DIP2C: variants seen among roughly 807,000 people sequenced by gnomAD.
DIP2C encodes the protein DIP2 acetate--CoA ligase C (putative), also known as disco-interacting protein 2 homolog C.
In DIP2C, 33 loss-of-function variants were observed where a neutral mutation model predicts 192.4. The observed-to-expected ratio is 0.17, with a 90% confidence interval of 0.13 to 0.23. The LOEUF is 0.23. Among genes scored for constraint, DIP2C ranks in the 10% least tolerant of loss-of-function variants. The pLI is 1.00. For missense variants in DIP2C, 1,537 were observed against 2,110.1 expected (o/e 0.73, Z 5.32); for synonymous variants, 979 against 864.1 (o/e 1.13, Z -2.33).
chr10:454,182 C>G (rs1388762136), intron 3 of DIP2C, among the ~76,000 whole-genome samples: 1 of 152,156 alleles, frequency 6.6e-6, no homozygotes, highest in Non-Finnish European at 1.5e-5. Flanking sequence ...GCCTTTCACT[C>G]TAAGAACCCA....
At chr10:477,840 AAG>A (rs1473943868) in intron 2 of DIP2C, among the ~76,000 whole-genome samples, 21 of 138,750 alleles carry the variant, frequency 1.5e-4, no homozygotes, top group Non-Finnish European at 2.7e-4. Flanking sequence ...AGAAGGGAGA[AAG>A]AAAAAAGGAG....
intron 1 of DIP2C, among the ~76,000 whole-genome samples, chr10:490,949 G>T (rs549153126): frequency 6.6e-6 from 1 of 152,202 alleles, no homozygotes; most frequent in South Asian, 2.1e-4. Flanking sequence ...CCTCCCTGAA[G>T]GGAACAATTC....
chr10:367,305 T>C (rs1164286472), intron 18 of DIP2C, among the ~76,000 whole-genome samples: 1 of 150,786 alleles, frequency 6.6e-6, no homozygotes, highest in East Asian at 1.9e-4. Context: ...TAGTCCCAGC[T>C]CCTCGGGAGG....
rs1554847955 is a variant in DIP2C, at chr10:414,739, G to GTATATATATATA, written c.860-630_860-629insTATATATATATA. Among the ~76,000 whole-genome samples the GTATATATATATA allele has an allele frequency of 4.4e-3, 400 of 90,510 alleles. 21 individuals are homozygous for GTATATATATATA. The highest frequency in any genetic ancestry group is 5.0e-3 in the Non-Finnish European group (231 of 46,594). 59.4% of individuals were successfully genotyped at this position (90,510 alleles called of 152,430 possible). On this transcript the variant is annotated intron_variant, in intron 7 of 36. Transcript: ENST00000280886. ...TGTGTGTGTGTGTGTGTGTGTGTGTGTACATATATATATATATAATGTGTA... is the reference window on the plus strand; with the variant it reads ...TGTGTGTGTGTGTGTGTGTGTGTGTGTATATATATATATACATATATATATATATAATGTGTA...
intron 17 of DIP2C, among the ~76,000 whole-genome samples, chr10:375,122 G>A (rs1961413813): frequency 6.6e-6 from 1 of 152,244 alleles, no homozygotes; most frequent in Admixed American, 6.5e-5. Context: ...AAGGACAACA[G>A]AGTCTGGATG....
At chr10:469,445 T>TA (rs1467049729) in intron 3 of DIP2C, among the ~76,000 whole-genome samples, 3 of 151,718 alleles carry the variant, frequency 2.0e-5, no homozygotes, top group African/African-American at 7.3e-5. Flanking sequence ...GCCTCTGGAA[T>TA]AGCTGGGATT....
At chr10:449,920 C>CAACAACAACAAAAAAAAAAAAAAAA (rs1408389732) in intron 3 of DIP2C, among the ~76,000 whole-genome samples, 1 of 135,908 alleles carries the variant, frequency 7.4e-6, no homozygotes, top group African/African-American at 3.0e-5. Flanking sequence ...TCAACAACAA[C>CAACAACAACAAAAAAAAAAAAAAAA]AAAAAAAAAA....
intron 30 of DIP2C, 44 bp downstream of exon 30, chr10:329,389 C>A (rs1222430900): frequency 1.9e-6 from 3 of 1,570,786 alleles, no homozygotes; most frequent in East Asian, 2.3e-5. Context: ...GAAAGGAGTC[C>A]CTGTGGGCTC....
At chr10:498,462 CT>C (rs1456202618) in intron 1 of DIP2C, among the ~76,000 whole-genome samples, 2 of 152,142 alleles carry the variant, frequency 1.3e-5, no homozygotes, top group East Asian at 3.9e-4. Context: ...AGATGCTTGC[CT>C]CCCCTCAGGG....
chr10:327,214 G>A (rs772189687), intron 30 of DIP2C, 38 bp from the exon 31 acceptor site: 38 of 1,596,790 alleles, frequency 2.4e-5, no homozygotes, highest in South Asian at 1.6e-4. Flanking sequence ...CAGCCCCCAC[G>A]TGTCGAGCTT....
intron 1 of DIP2C, among the ~76,000 whole-genome samples, chr10:683,496 G>GT (rs993489580): frequency 1.6e-4 from 25 of 152,302 alleles, no homozygotes; most frequent in African/African-American, 4.8e-4. Flanking sequence ...GGAAGGGAAG[G>GT]TGGAAGCAGG....
chr10:577,444 C>G (rs1850241946), intron 1 of DIP2C, among the ~76,000 whole-genome samples: 2 of 152,216 alleles, frequency 1.3e-5, no homozygotes, highest in Non-Finnish European at 2.9e-5. Context: ...TGTACTTTCT[C>G]ATGCTAAGCC....
chr10:392,015 A>T (rs985138802), intron 10 of DIP2C, among the ~76,000 whole-genome samples: 8 of 152,226 alleles, frequency 5.3e-5, no homozygotes, highest in Admixed American at 6.5e-5. Flanking sequence ...CAACCAGCAC[A>T]TGCAGGGCAG....
rs1397634783 is a variant in DIP2C at position 651,306 on chromosome 10, C to A, written c.85+38188G>T. The A allele has an allele frequency of 2.8e-6, 2 of 708,434 alleles. No individual in the cohort carries two copies. The highest frequency in any genetic ancestry group is 2.0e-5 in the Admixed American group (1 of 50,006). 43.9% of individuals were successfully genotyped at this position (708,434 alleles called of 1,614,324 possible). On this transcript the variant is annotated intron_variant, in intron 1 of 36. Coordinates refer to ENST00000280886, the MANE Select transcript of DIP2C (RefSeq NM_014974.3). This position sits in a 1 kb window ranked among gnomAD's most constrained non-coding sequence, Gnocchi z 4.1. ...CGTGGACTCCTTACAAGCAGAGCCA[C>A]CAACGTGGACACGATCCCATCAGGA...
At chr10:371,303 C>T (rs1960924979) in intron 17 of DIP2C, among the ~76,000 whole-genome samples, 1 of 152,290 alleles carries the variant, frequency 6.6e-6, no homozygotes, top group Admixed American at 6.5e-5. Flanking sequence ...CGCAAAAGAT[C>T]ACCCCTTGTA....
intron 1 of DIP2C, among the ~76,000 whole-genome samples, chr10:490,529 G>T (rs1210120959): frequency 6.6e-6 from 1 of 152,208 alleles, no homozygotes; most frequent in African/African-American, 2.4e-5. Flanking sequence ...CCCTCCGGGA[G>T]GCTGGGTCTA....
At chr10:328,006 G>A (rs981211813) in intron 30 of DIP2C, among the ~76,000 whole-genome samples, 3 of 152,208 alleles carry the variant, frequency 2.0e-5, no homozygotes, top group Non-Finnish European at 2.9e-5. Flanking sequence ...AAGGCGAGCC[G>A]TGAATGTCTG....
chr10:604,956 G>A (rs995158094), intron 1 of DIP2C, among the ~76,000 whole-genome samples: 12 of 152,198 alleles, frequency 7.9e-5, no homozygotes, highest in African/African-American at 2.9e-4. Flanking sequence ...CTCAGCCCAA[G>A]GGTGCGGGGA....
At chr10:425,906 G>A (rs1380243440) in intron 4 of DIP2C, among the ~76,000 whole-genome samples, 2 of 152,232 alleles carry the variant, frequency 1.3e-5, no homozygotes, top group South Asian at 2.1e-4. Context: ...ATGGCTAATA[G>A]TGTATTTAAT....
Sources: allele counts gnomAD v4.1 joint callset (sites outside exome capture counted in the v4.1 genomes callset), GRCh38; gene constraint gnomAD v4.1.1; non-coding constraint Gnocchi (gnomAD v3.1); transcripts MANE v1.5; gene names NCBI Gene and HGNC (gene_info 2026-07-23, HGNC 2026-07-21).